YIPF3: variants seen among roughly 807,000 people sequenced by gnomAD.
YIPF3 encodes the protein Yip1 domain family member 3, also known as protein YIPF3.
In YIPF3, 18 loss-of-function variants were observed where a neutral mutation model predicts 40.3. The observed-to-expected ratio is 0.45, with a 90% CI of 0.31 to 0.66. The LOEUF (loss-of-function observed/expected upper bound fraction) is 0.66, where lower values mean the gene tolerates loss of function less well. Among genes scored for constraint, YIPF3 ranks in the 30% least tolerant of loss-of-function variants. YIPF3 has a pLI of 0.07. For synonymous variants in YIPF3, 190 were observed against 179.6 expected (o/e 1.06, Z -0.46); for missense variants, 406 against 452.2 (o/e 0.90, Z 0.93).
In YIPF3 at chr6:43,512,210, T is replaced by G. The variant is rs1561852157; in HGVS notation, c.1010A>C (p.Asn337Thr). The G allele has an allele frequency of 6.2e-7, 1 of 1,614,102 alleles. No homozygotes were observed. The highest frequency in any genetic ancestry group is 8.5e-7 in the Non-Finnish European group (1 of 1,180,006). Residue 337 changes from asparagine (N) to threonine (T), a missense_variant, in exon 9 of 9, where the codon AAC (asparagine) becomes ACC (threonine). Coordinates refer to ENST00000372422, the MANE Select transcript of YIPF3 (RefSeq NM_015388.4). ...CACCGCAACAGCTTTGGCTGTGGCG[T>G]TGAGGACGGTGGTGGGAAGCCGAGC... Reference protein sequence around the residue: ...PAARLPTTVLNATAKAVAVTL... With the variant: ...PAARLPTTVLTATAKAVAVTL...
Position 43,512,116 on chromosome 6 carries a change from C to T in YIPF3, c.*51G>A, listed in dbSNP as rs1269949885. The T allele has an allele frequency of 2.5e-6, 4 of 1,611,318 alleles. No individual in the cohort carries two copies. The highest frequency in any genetic ancestry group is 2.5e-6 in the Non-Finnish European group (3 of 1,178,554). ...TCAGGACTGTCCTTTAATAGTCTTC[C>T]TCCTCTCTGCAGCTGCGGGAAAGAG... On this transcript the variant is annotated 3_prime_UTR_variant, in exon 9 of 9. Coordinates refer to ENST00000372422, the MANE Select transcript of YIPF3 (RefSeq NM_015388.4).
At position 43,513,169 on chromosome 6, in the gene YIPF3, C is replaced by G; in HGVS notation, c.566G>C (p.Gly189Ala). The change falls in exon 6 of 9, where the codon GGC becomes GCC. Residue 189 changes from glycine (G) to alanine (A), a missense_variant. By Grantham distance (60) the Gly-to-Ala change is moderately conservative. Transcript: ENST00000372422. ...TCCCAGCCAGTAGCCGAAGCAGGTG[C>G]CAATGGCTGTGCCCATCAGGGTGCC... ...REGTLMGTAI[G>A]TCFGYWLGVS... is the part of the protein sequence containing the mutation. 6.2e-7 allele frequency: 1 copy of G among 1,614,172 alleles called. No homozygotes were observed. Among genetic ancestry groups the G allele is most frequent in the Non-Finnish European group, 8.5e-7 (1 of 1,180,028 alleles).
Position 43,515,896 on chromosome 6 carries a change from G to A in YIPF3, c.281C>T (p.Ala94Val). Residue 94 changes from alanine to valine, a missense_variant, in exon 2 of 9, where the codon GCA (alanine) becomes GTA (valine). By Grantham distance (64) the Ala-to-Val change is moderately conservative. Transcript: ENST00000372422. ...GGATTCAATCTTGCTTACCTGATCTGCCACCTGCCGGCTCAGCTGTCCCTT... is the reference window on the plus strand; with the variant it reads ...GGATTCAATCTTGCTTACCTGATCTACCACCTGCCGGCTCAGCTGTCCCTT... ...GFKGQLSRQV[A>V]DQMWQAGKRQ... 2 of 1,595,948 alleles carry A rather than the reference G, an allele frequency of 1.3e-6. No homozygotes were observed. The highest frequency in any genetic ancestry group is 1.7e-6 in the Non-Finnish European group (2 of 1,169,006).
chr6:43,515,922 A>G lies in YIPF3; in HGVS notation c.255T>C (p.Phe85=), dbSNP rs759546226. The change falls in exon 2 of 9, where the codon TTT becomes TTC. Residue 85 remains phenylalanine, a synonymous_variant. Transcript: ENST00000372422. ...EDGEFLGMKG[F]KGQLSRQVAD... Reference sequence around the variant, plus strand: ...CCACCTGCCGGCTCAGCTGTCCCTTAAAGCCCTTCATGCCCAGGAACTCTC... The same window carrying G: ...CCACCTGCCGGCTCAGCTGTCCCTTGAAGCCCTTCATGCCCAGGAACTCTC... 5.0e-6 allele frequency: 8 copies of G among 1,610,994 alleles called. No individual in the cohort carries two copies.
intron 6 of YIPF3, 60 bp downstream of exon 6, chr6:43,513,009 C>T (rs986268543): frequency 6.9e-6 from 11 of 1,604,556 alleles, no homozygotes; most frequent in Admixed American, 5.0e-5. Flanking sequence ...GGACAGATGC[C>T]GACCAAGGCC....
At chr6:43,512,633 C>G (rs1047862571) in intron 7 of YIPF3, 70 bp from the exon 8 acceptor site, 1 of 1,550,722 alleles carries the variant, frequency 6.4e-7, no homozygotes, top group African/African-American at 1.4e-5. Context: ...ACACCCCCAC[C>G]CAGGGCAGAA....
chr6:43,512,778 G>C lies in YIPF3; in HGVS notation c.763C>G (p.Leu255Val), dbSNP rs758152825. ...CAGCTTACCATGCGCAGTGTGGACA[G>C]TCCACCCACCAACAGCCAGAAGAGG... ...FYLFWLLVGG[L>V]STLRMVAVLV... Residue 255 changes from leucine (L) to valine (V), a missense_variant, in exon 7 of 9, where the codon CTG becomes GTG. Leu to Val is a conservative substitution (Grantham distance 32). Coordinates refer to ENST00000372422, the MANE Select transcript of YIPF3 (RefSeq NM_015388.4). The C allele has an allele frequency of 6.8e-6, 11 of 1,613,786 alleles. No individual in the cohort carries two copies. In the South Asian group the frequency reaches 1.2e-4, roughly 18 times the overall value.
chr6:43,515,813 TCAC>T, intron 2 of YIPF3, 73 bp downstream of exon 2: 1 of 1,595,124 alleles, frequency 6.3e-7, no homozygotes, highest in Non-Finnish European at 8.6e-7. Context: ...GGGGCGAACA[TCAC>T]CAACACCAAT....
intron 3 of YIPF3, among the ~76,000 whole-genome samples, chr6:43,514,103 T>C (rs1390953641): frequency 6.6e-6 from 1 of 152,140 alleles, no homozygotes; most frequent in Non-Finnish European, 1.5e-5. Context: ...TAGCTGGGCA[T>C]GGTGGCGGGC....
chr6:43,513,594 G>C lies in YIPF3; in HGVS notation c.435C>G (p.Phe145Leu), dbSNP rs762513122. The C allele has an allele frequency of 3.8e-6, 6 of 1,582,366 alleles. No homozygotes were observed. Among genetic ancestry groups the C allele is most frequent in the Non-Finnish European group, 5.2e-6 (6 of 1,163,526 alleles). ...CATGCCACCCTCTATTCACCTGGGG[G>C]AAGTTGACCATCTTGATAGGGATCA... is the stretch of plus-strand genomic sequence containing the variant. ...ESMIPIKMVN[F>L]PQKIAGELYG... The change falls in exon 4 of 9, where the codon TTC becomes TTG. Residue 145 changes from phenylalanine to leucine, a missense_variant. Physicochemically the swap from Phe to Leu is conservative, Grantham distance 22. Coordinates refer to ENST00000372422, the MANE Select transcript of YIPF3 (RefSeq NM_015388.4).
chr6:43,512,791 C>T lies in YIPF3; in HGVS notation c.750G>A (p.Leu250=), dbSNP rs770530486. ...GCAGTGTGGACAGTCCACCCACCAA[C>T]AGCCAGAAGAGGTAGAAGAGGGCGT... ...HLHALFYLFW[L]LVGGLSTLRM... is the part of the protein sequence containing the mutation. The change falls in exon 7 of 9, where the codon CTG becomes CTA. Residue 250 remains leucine, a synonymous_variant. Transcript: ENST00000372422. 4 of 1,613,996 alleles carry T rather than the reference C, an allele frequency of 2.5e-6. No homozygotes were observed. Among genetic ancestry groups the T allele is most frequent in the Non-Finnish European group, 3.4e-6 (4 of 1,180,012 alleles).
chr6:43,516,834 ACCCGCGCTAGC>A lies in YIPF3; in HGVS notation c.-38_-28del, dbSNP rs1467582427. 1.9e-6 allele frequency: 3 copies of A among 1,557,576 alleles called. No homozygotes were observed. In the East Asian group the frequency reaches 7.3e-5, roughly 38 times the overall value. ...TCCCTTGAGGGCTCCCGTCGCTGAAACCCGCGCTAGCCCCGCGCGCGGAGTGGGCAAGATGT... is the reference window on the plus strand; with the variant it reads ...TCCCTTGAGGGCTCCCGTCGCTGAAACCCGCGCGCGGAGTGGGCAAGATGT... On this transcript the variant is annotated 5_prime_UTR_variant, in exon 1 of 9. Transcript: ENST00000372422.
In YIPF3 at chr6:43,513,593, G is replaced by A. The variant is rs1189801127; in HGVS notation, c.436C>T (p.Pro146Ser). The A allele has an allele frequency of 9.5e-6, 15 of 1,582,420 alleles. No homozygotes were observed. Among genetic ancestry groups the A allele is most frequent in the Non-Finnish European group, 3.4e-6 (4 of 1,163,604 alleles). ...ACATGCCACCCTCTATTCACCTGGG[G>A]GAAGTTGACCATCTTGATAGGGATC... ...SMIPIKMVNF[P>S]QKIAGELYGP... The change falls in exon 4 of 9, where the codon CCC (proline) becomes TCC (serine). Residue 146 changes from proline to serine, a missense_variant. Physicochemically the swap from Pro to Ser is moderately conservative, Grantham distance 74. Coordinates refer to ENST00000372422, the MANE Select transcript of YIPF3 (RefSeq NM_015388.4).
In YIPF3 at chr6:43,512,025, A is replaced by G. The variant is rs1792678320; in HGVS notation, c.*142T>C. The G allele has an allele frequency of 7.5e-7, 1 of 1,340,970 alleles. No individual in the cohort carries two copies. The highest frequency in any genetic ancestry group is 2.1e-5 in the Admixed American group (1 of 47,142). The allele number at this position is 1,340,970 out of a possible 1,614,324, so 83.1% of individuals were successfully genotyped here. On this transcript the variant is annotated 3_prime_UTR_variant, in exon 9 of 9. Coordinates refer to ENST00000372422, the MANE Select transcript of YIPF3 (RefSeq NM_015388.4). The stretch of plus-strand genomic sequence containing the variant: ...GTGCCTTTCAGAAGTGCCGACAGGC[A>G]TCAAGGAGGTACTTACGCAGCTACA...
At chr6:43,516,670 A>C in intron 1 of YIPF3, 57 bp downstream of exon 1, 1 of 1,595,062 alleles carries the variant, frequency 6.3e-7, no homozygotes, top group Non-Finnish European at 8.5e-7. Flanking sequence ...TCCCCAAGAC[A>C]CTTCTGGACA....
At chr6:43,516,555 T>C (rs548768741) in intron 1 of YIPF3, 172 bp downstream of exon 1, 45 of 757,980 alleles carry the variant, frequency 5.9e-5, no homozygotes, top group Non-Finnish European at 9.0e-5. Context: ...GGAGTAGTAG[T>C]CTGGCCCTTT....
chr6:43,515,980 GCAT>G lies in YIPF3; in HGVS notation c.194_196del (p.Asp65del), dbSNP rs535007221. 5.3e-3 allele frequency: 8,607 copies of G among 1,614,146 alleles called. 35 individuals are homozygous for G. The highest frequency in any genetic ancestry group is 5.8e-3 in the Non-Finnish European group (6,817 of 1,179,986). Reference sequence around the variant, plus strand: ...CTCTTCAGCAGCAGCTGCATCAGCTGCATCAGCGTCTACTTCTTCCTCGCGCAG... The same window carrying G: ...CTCTTCAGCAGCAGCTGCATCAGCTGCAGCGTCTACTTCTTCCTCGCGCAG... On this transcript the variant is annotated inframe_deletion, in exon 2 of 9. Transcript: ENST00000372422.
rs1197875264 is a variant in YIPF3, at chr6:43,516,915, C to G, written c.-108G>C. 13 of 1,325,108 alleles carry G rather than the reference C, an allele frequency of 9.8e-6. No individual in the cohort carries two copies. The highest frequency in any genetic ancestry group is 1.4e-5 in the Non-Finnish European group (13 of 944,814). The allele number at this position is 1,325,108 out of a possible 1,614,324, so 82.1% of individuals were successfully genotyped here. A position where few individuals can be genotyped will look rare whatever the true frequency, so the allele number is the denominator to read the frequency against. On this transcript the variant is annotated 5_prime_UTR_variant, in exon 1 of 9. Transcript: ENST00000372422. Reference sequence around the variant, plus strand: ...GTCCAGGGTCGAGGAGAGGTGGGATCGGCCGGAACACAAAAAGGAGAAGCC... The same window carrying G: ...GTCCAGGGTCGAGGAGAGGTGGGATGGGCCGGAACACAAAAAGGAGAAGCC...
At chr6:43,513,856 T>C (rs1792719843) in intron 3 of YIPF3, 1 of 459,930 alleles carries the variant, frequency 2.2e-6, no homozygotes, top group South Asian at 5.1e-5. Context: ...CTCTGAAACT[T>C]AGCTGACTGA....
Sources: allele counts gnomAD v4.1 joint callset (sites outside exome capture counted in the v4.1 genomes callset), GRCh38; gene constraint gnomAD v4.1.1; transcripts MANE v1.5; gene names NCBI Gene and HGNC (gene_info 2026-07-23, HGNC 2026-07-21).